Variants in COL28A1 observed in about 807,000 individuals in gnomAD.
COL28A1 encodes the protein collagen alpha-1(XXVIII) chain.
Under a neutral mutation model 150.2 loss-of-function variants are expected in COL28A1, and 161 were observed. The observed-to-expected ratio is 1.07, with a 90% CI of 0.94 to 1.22. COL28A1 has a LOEUF of 1.22. Among genes scored for constraint, COL28A1 ranks in the 50% most tolerant of loss-of-function variants. The probability of loss-of-function intolerance (pLI) is 0.00; values close to 1 mark genes in which losing one functional copy is unlikely to be tolerated. For missense variants in COL28A1, 1,617 were observed against 1,388.3 expected (o/e 1.16, Z -2.62); for synonymous variants, 552 against 469.7 (o/e 1.18, Z -2.26).
At position 7,380,862 on chromosome 7, in the gene COL28A1, C is replaced by T. The variant is rs565907878; in HGVS notation, c.2206G>A (p.Gly736Arg). 6.2e-6 allele frequency: 10 copies of T among 1,611,712 alleles called. No homozygotes were observed. The African/African-American group carries it at 1.2e-4, about 19-fold the overall frequency. ...TMGHGLPGQK[G>R]EHGERGDVGK... ...ACATCGCCCCGTTCTCCGTGCTCTC[C>T]CTTTACACAATAGGGTAAAATGATA... The change falls in exon 29 of 35, where the codon GGA (glycine) becomes AGA (arginine). Residue 736 changes from glycine to arginine, a missense_variant and splice_region_variant. Gly to Arg is a moderately radical substitution (Grantham distance 125). Coordinates refer to ENST00000399429, the MANE Select transcript of COL28A1 (RefSeq NM_001037763.3).
At chr7:7,482,621 T>C (rs1316459680) in intron 13 of COL28A1, among the ~76,000 whole-genome samples, 5 of 152,174 alleles carry the variant, frequency 3.3e-5, no homozygotes. Context: ...CCTACCTTTG[T>C]TATGATTTTA....
chr7:7,366,033 T>C (rs1027570707), intron 33 of COL28A1, among the ~76,000 whole-genome samples: 4 of 152,216 alleles, frequency 2.6e-5, no homozygotes, highest in African/African-American at 7.2e-5. Flanking sequence ...GATTTTGTTC[T>C]GTTTAAACCT....
intron 27 of COL28A1, among the ~76,000 whole-genome samples, chr7:7,398,589 G>C (rs1228046280): frequency 1.3e-5 from 2 of 152,180 alleles, no homozygotes; most frequent in East Asian, 3.8e-4. Context: ...AGTGCAAAGG[G>C]TGCCATGGCT....
Position 7,477,286 on chromosome 7 carries a change from A to G in COL28A1, c.1165-106T>C, listed in dbSNP as rs1788975381. ...AAAGAGAATGGTTATATTTCAGTTT[A>G]CATGCCAAAAAAAAATGGATAGTTG... On this transcript the variant is annotated intron_variant, in intron 13 of 34. Coordinates refer to ENST00000399429, the MANE Select transcript of COL28A1 (RefSeq NM_001037763.3). 4.3e-6 allele frequency: 3 copies of G among 702,356 alleles called. No homozygotes were observed. The South Asian group carries it at 5.0e-5, about 12-fold the overall frequency. The allele number at this position is 702,356 out of a possible 1,614,324, so 43.5% of individuals were successfully genotyped here.
chr7:7,340,857 G>A, the COL28A1 span, among the ~76,000 whole-genome samples: 1 of 151,966 alleles, frequency 6.6e-6, no homozygotes, highest in South Asian at 2.1e-4. Flanking sequence ...CTCTTACCTT[G>A]GTAAATATAC....
At chr7:7,448,469 GA>G (rs1786438918) in intron 18 of COL28A1, among the ~76,000 whole-genome samples, 1 of 149,578 alleles carries the variant, frequency 6.7e-6, no homozygotes, top group South Asian at 2.1e-4. Context: ...AATAAGCAAA[GA>G]TTTTTTTTTT....
chr7:7,500,130 T>C (rs1336569774), intron 11 of COL28A1, among the ~76,000 whole-genome samples: 1 of 152,226 alleles, frequency 6.6e-6, no homozygotes, highest in Non-Finnish European at 1.5e-5. Context: ...GACTGTTACA[T>C]CCTTCTCTCT....
At chr7:7,410,544 A>T (rs574720617) in intron 27 of COL28A1, among the ~76,000 whole-genome samples, 1 of 152,236 alleles carries the variant, frequency 6.6e-6, no homozygotes, top group South Asian at 2.1e-4. Flanking sequence ...CGTCTATGCT[A>T]TGCCGTTAAG....
intron 11 of COL28A1, among the ~76,000 whole-genome samples, chr7:7,490,948 T>A (rs1779882077): frequency 6.6e-6 from 1 of 152,214 alleles, no homozygotes; most frequent in South Asian, 2.1e-4. Context: ...TATATAACAA[T>A]GAATACAGCT....
intron 15 of COL28A1, among the ~76,000 whole-genome samples, chr7:7,471,341 A>G (rs1788411119): frequency 6.6e-6 from 1 of 152,128 alleles, no homozygotes; most frequent in Non-Finnish European, 1.5e-5. Context: ...AAGATAGAGA[A>G]AAAGGGAACC....
intron 15 of COL28A1, among the ~76,000 whole-genome samples, chr7:7,472,919 G>A (rs988268659): frequency 7.9e-5 from 12 of 152,090 alleles, no homozygotes; most frequent in Admixed American, 6.6e-4. Flanking sequence ...ACATATAGTG[G>A]GGAAAGGACA....
intron 26 of COL28A1, 62 bp downstream of exon 26, chr7:7,419,823 G>T: frequency 9.2e-7 from 1 of 1,081,274 alleles, no homozygotes; most frequent in Non-Finnish European, 1.3e-6. Context: ...TGAAGTTACT[G>T]TTCACTTGTT....
intron 11 of COL28A1, among the ~76,000 whole-genome samples, chr7:7,502,377 G>C (rs1403338241): frequency 2.6e-5 from 4 of 152,172 alleles, no homozygotes; most frequent in South Asian, 4.1e-4. Context: ...GAAATAATTT[G>C]TGAAAATGGG....
intron 25 of COL28A1, among the ~76,000 whole-genome samples, chr7:7,430,477 T>C (rs1462258476): frequency 6.6e-6 from 1 of 152,190 alleles, no homozygotes; most frequent in African/African-American, 2.4e-5. Flanking sequence ...TTTATTATTA[T>C]TGCTCAATGT....
chr7:7,412,647 G>A (rs950076135), intron 27 of COL28A1, among the ~76,000 whole-genome samples: 2 of 151,966 alleles, frequency 1.3e-5, no homozygotes, highest in African/African-American at 4.8e-5. Flanking sequence ...AACAACTTTA[G>A]GAAACAGTAC....
chr7:7,520,311 G>C (rs183795093), intron 5 of COL28A1, among the ~76,000 whole-genome samples, 196 bp from the exon 6 acceptor site: 2 of 152,248 alleles, frequency 1.3e-5, no homozygotes, highest in Non-Finnish European at 1.5e-5. Context: ...AGATTTTCTA[G>C]ATTTGCTCAA....
chr7:7,424,040 C>G (rs895711087), intron 25 of COL28A1, among the ~76,000 whole-genome samples: 1 of 152,200 alleles, frequency 6.6e-6, no homozygotes. Context: ...TGACATATAG[C>G]TATGTTTCAC....
chr7:7,542,177 G>A, the COL28A1 span, among the ~76,000 whole-genome samples: 6 of 152,066 alleles, frequency 3.9e-5, no homozygotes, highest in East Asian at 1.9e-4. Flanking sequence ...GTGAAACCCC[G>A]TCTCTACTAA....
rs1318101829 is a variant in COL28A1, at chr7:7,520,176, T to C, written c.760-61A>G. The C allele has an allele frequency of 8.8e-6, 7 of 794,314 alleles. No homozygotes were observed. The African/African-American group carries it at 1.0e-4, about 12-fold the overall frequency. 49.2% of individuals were successfully genotyped at this position (794,314 alleles called of 1,614,324 possible). A position where few individuals can be genotyped will look rare whatever the true frequency, so the allele number is the denominator to read the frequency against. On this transcript the variant is annotated intron_variant, in intron 5 of 34. Transcript: ENST00000399429. Reference sequence around the variant, plus strand: ...GAATTCTATTGTTTTCTATACTTTATAATAATTTCTGATCAGTTTTGTTTC... The same window carrying C: ...GAATTCTATTGTTTTCTATACTTTACAATAATTTCTGATCAGTTTTGTTTC...
Sources: allele counts gnomAD v4.1 joint callset (sites outside exome capture counted in the v4.1 genomes callset), GRCh38; gene constraint gnomAD v4.1.1; transcripts MANE v1.5; gene names NCBI Gene and HGNC (gene_info 2026-07-23, HGNC 2026-07-21).